Variants in CFAP299 observed in about 807,000 individuals in gnomAD.
CFAP299 encodes the protein cilia and flagella associated protein 299, also known as cilia- and flagella-associated protein 299.
In CFAP299, 21 loss-of-function variants were observed where a neutral mutation model predicts 27.0. That is an observed-to-expected ratio of 0.78 (90% confidence interval 0.55 to 1.12). The LOEUF (loss-of-function observed/expected upper bound fraction) is 1.12, where lower values mean the gene tolerates loss of function less well. Among genes scored for constraint, CFAP299 ranks in the 50% most tolerant of loss-of-function variants. The pLI, the probability that CFAP299 is intolerant of heterozygous loss-of-function variation, is 0.00. For missense variants in CFAP299, 310 were observed against 276.6 expected (o/e 1.12, Z -0.86); for synonymous variants, 104 against 98.1 (o/e 1.06, Z -0.36).
In CFAP299 at chr4:80,406,259, C is replaced by A. The variant is rs767270809; in HGVS notation, c.242+43375C>A. On this transcript the variant is annotated intron_variant, in intron 2 of 5. Transcript: ENST00000358105. ...TCAAAATGTCAAAGGCCTAGTTCAA[C>A]AGATCCTTAAATCTCAGGAAGAGAT... 1.4e-4 allele frequency among the ~76,000 whole-genome samples: 21 copies of A among 152,206 alleles called. 1 individual carries two copies. Among genetic ancestry groups the A allele is most frequent in the Non-Finnish European group, 2.5e-4 (17 of 68,048 alleles).
At chr4:80,388,300 C>A in intron 2 of CFAP299, 1 of 693,712 alleles carries the variant, frequency 1.4e-6, no homozygotes, top group Non-Finnish European at 2.7e-6. Flanking sequence ...CAGACATGAG[C>A]AAGTCATTGC....
chr4:80,874,485 G>A (rs1733271090), intron 4 of CFAP299, among the ~76,000 whole-genome samples: 2 of 152,182 alleles, frequency 1.3e-5, no homozygotes, highest in Admixed American at 6.5e-5. Context: ...ACCACAGACT[G>A]TGTAATTTAT....
intron 3 of CFAP299, among the ~76,000 whole-genome samples, chr4:80,673,325 T>C (rs1741616745): frequency 6.6e-6 from 1 of 152,144 alleles, no homozygotes; most frequent in Non-Finnish European, 1.5e-5. Context: ...CGGTTTTGAG[T>C]GAGTTTCTTA....
chr4:80,586,989 A>G (rs1736481148), intron 3 of CFAP299, among the ~76,000 whole-genome samples: 1 of 152,284 alleles, frequency 6.6e-6, no homozygotes, highest in Non-Finnish European at 1.5e-5. Context: ...AGGAAAACCT[A>G]TGAATTAGGT....
intron 3 of CFAP299, among the ~76,000 whole-genome samples, chr4:80,861,209 C>T (rs191350465): frequency 1.4e-3 from 215 of 152,232 alleles, no homozygotes; most frequent in Middle Eastern, 6.8e-3. Flanking sequence ...TAGGACCCTC[C>T]GAGCCAGGTG....
intron 3 of CFAP299, among the ~76,000 whole-genome samples, chr4:80,779,858 G>A (rs72879926): frequency 0.046 from 7,031 of 152,000 alleles, 454 homozygotes; most frequent in African/African-American, 0.15. Context: ...TTTCTTTGAA[G>A]AAAACAGGCA....
intron 3 of CFAP299, among the ~76,000 whole-genome samples, chr4:80,709,457 A>G (rs1722012784): frequency 6.6e-6 from 1 of 152,130 alleles, no homozygotes; most frequent in African/African-American, 2.4e-5. Flanking sequence ...AGTCATTACT[A>G]CTACGTTTAA....
chr4:80,892,539 C>A (rs1241271025), intron 4 of CFAP299, among the ~76,000 whole-genome samples: 3 of 151,934 alleles, frequency 2.0e-5, no homozygotes, highest in Admixed American at 1.3e-4. Context: ...TTCTGCACAG[C>A]AAAGTAAACA....
At chr4:80,541,812 C>G (rs551235212) in intron 2 of CFAP299, among the ~76,000 whole-genome samples, 7 of 151,932 alleles carry the variant, frequency 4.6e-5, no homozygotes, top group Admixed American at 4.6e-4. Flanking sequence ...AGAAAAGGAT[C>G]CAATGAATTT....
chr4:80,577,128 G>A (rs936214080), intron 2 of CFAP299, among the ~76,000 whole-genome samples: 2 of 152,156 alleles, frequency 1.3e-5, no homozygotes, highest in African/African-American at 2.4e-5. Context: ...ATGATATGCT[G>A]CTTTGATATA....
chr4:80,658,857 T>C (rs1441244408), intron 3 of CFAP299, among the ~76,000 whole-genome samples: 4 of 152,136 alleles, frequency 2.6e-5, no homozygotes, highest in Non-Finnish European at 4.4e-5. Context: ...GGAAGCTGAA[T>C]TCAAAAGATT....
At chr4:80,374,316 A>G (rs1381106774) in intron 2 of CFAP299, among the ~76,000 whole-genome samples, 1 of 151,766 alleles carries the variant, frequency 6.6e-6, no homozygotes, top group Non-Finnish European at 1.5e-5. Flanking sequence ...TTTTTTTCTT[A>G]TCAGACCTAC....
chr4:80,799,158 T>C (rs544906650), intron 3 of CFAP299, among the ~76,000 whole-genome samples: 125 of 127,292 alleles, frequency 9.8e-4, no homozygotes, highest in Middle Eastern at 4.0e-3. Context: ...TAAATATATT[T>C]ATACAATATT....
chr4:80,420,275 G>C (rs1345957023), intron 2 of CFAP299: 1 of 454,706 alleles, frequency 2.2e-6, no homozygotes, highest in Middle Eastern at 3.3e-4. Context: ...AAGAAAACCT[G>C]TTTCCATCAA....
chr4:80,870,688 T>C (rs750721277), intron 4 of CFAP299: 63 of 985,446 alleles, frequency 6.4e-5, no homozygotes, highest in Middle Eastern at 5.2e-4. Context: ...TGGGTTCTTC[T>C]ACTCCCTTCT....
rs190145238 is a variant in CFAP299 at position 80,835,346 on chromosome 4, C to T, written c.334-34647C>T. ...ATCTCCTGACCTCCTGATCCGCCCG[C>T]CTCGGCCTGCTTCTTGAATTTTAAT... On this transcript the variant is annotated intron_variant, in intron 3 of 5. Coordinates refer to ENST00000358105, the MANE Select transcript of CFAP299 (RefSeq NM_152770.3). Among the ~76,000 whole-genome samples the T allele has an allele frequency of 1.7e-3, 256 of 152,126 alleles. 2 individuals carry two copies. The highest frequency in any genetic ancestry group is 6.0e-3 in the African/African-American group (247 of 41,476).
At chr4:80,596,684 T>C (rs1737077984) in intron 3 of CFAP299, among the ~76,000 whole-genome samples, 1 of 152,126 alleles carries the variant, frequency 6.6e-6, no homozygotes. Context: ...AACCATTTGA[T>C]CACTACCCAG....
chr4:80,498,873 G>A (rs1160326644), intron 2 of CFAP299, among the ~76,000 whole-genome samples: 1 of 152,060 alleles, frequency 6.6e-6, no homozygotes, highest in East Asian at 1.9e-4. Context: ...GACAGAATAA[G>A]GCAAATGTGG....
intron 2 of CFAP299, among the ~76,000 whole-genome samples, chr4:80,399,813 C>T (rs570088276): frequency 7.9e-5 from 12 of 152,170 alleles, no homozygotes; most frequent in South Asian, 2.1e-4. Flanking sequence ...ACGTTGTGCA[C>T]GTGTACCCTA....
Sources: allele counts gnomAD v4.1 joint callset (sites outside exome capture counted in the v4.1 genomes callset), GRCh38; gene constraint gnomAD v4.1.1; transcripts MANE v1.5; gene names NCBI Gene and HGNC (gene_info 2026-07-23, HGNC 2026-07-21).